INCENP: variants seen among roughly 807,000 people sequenced by gnomAD.
INCENP encodes the protein inner centromere protein.
INCENP carries 43 observed loss-of-function variants against 107.3 expected under a neutral mutation model. That is an observed-to-expected ratio of 0.40 (90% CI 0.31 to 0.52). INCENP has a LOEUF of 0.52. Among genes scored for constraint, INCENP ranks in the 20% least tolerant of loss-of-function variants. The pLI is 0.53. For missense variants in INCENP, 1,089 were observed against 1,250.9 expected (o/e 0.87, Z 1.95); for synonymous variants, 488 against 494.4 (o/e 0.99, Z 0.17).
chr11:62,124,869 T>C (rs1943716906), intron 1 of INCENP, among the ~76,000 whole-genome samples: 1 of 152,152 alleles, frequency 6.6e-6, no homozygotes, highest in Non-Finnish European at 1.5e-5. Context: ...ATCCTCAAGG[T>C]TGTGGTGAGA....
chr11:62,128,368 C>T, intron 2 of INCENP, 67 bp downstream of exon 2: 1 of 1,576,340 alleles, frequency 6.3e-7, no homozygotes, highest in Non-Finnish European at 8.7e-7. Flanking sequence ...GTCTTGGGGA[C>T]ACAACAGCCC....
chr11:62,151,314 C>T (rs1944367985), intron 18 of INCENP, among the ~76,000 whole-genome samples: 1 of 152,156 alleles, frequency 6.6e-6, no homozygotes, highest in African/African-American at 2.4e-5. Flanking sequence ...CCAGAGGCCC[C>T]CTCAGCACTG....
rs1301048170 is a variant in INCENP at position 62,141,423 on chromosome 11, C to G, written c.1594-77C>G. The G allele has an allele frequency of 3.1e-6, 5 of 1,590,824 alleles. No homozygotes were observed. In the African/African-American group the frequency reaches 5.4e-5, roughly 17 times the overall value. The stretch of plus-strand genomic sequence containing the variant: ...GCCCCACGCAGGCTTGCTGGCACAG[C>G]TGGGCATGTGGCCTGCCCGGCAGGA... On this transcript the variant is annotated intron_variant, in intron 10 of 18. Transcript: ENST00000394818.
rs2134692991 is a variant in INCENP, at chr11:62,152,413, A to C, written c.*437A>C. The C allele has an allele frequency of 5.1e-6, 1 of 196,336 alleles. No homozygotes were observed. The highest frequency in any genetic ancestry group is 1.5e-4 in the East Asian group (1 of 6,654). 12.2% of individuals were successfully genotyped at this position (196,336 alleles called of 1,614,324 possible). ...GGGCCACCAGTGGCCTGCAGGACGA[A>C]GGTACTGTTCCATCACCTGCGGTGT... On this transcript the variant is annotated 3_prime_UTR_variant, in exon 19 of 19. Coordinates refer to ENST00000394818, the MANE Select transcript of INCENP (RefSeq NM_001040694.2).
intron 11 of INCENP, among the ~76,000 whole-genome samples, chr11:62,144,105 G>A (rs1373893361): frequency 6.6e-6 from 1 of 152,210 alleles, no homozygotes; most frequent in South Asian, 2.1e-4. Flanking sequence ...GCCAAGGCAG[G>A]CGGATCCCTT....
At chr11:62,141,578 C>G in intron 11 of INCENP, 67 bp downstream of exon 11, 9 of 1,584,346 alleles carry the variant, frequency 5.7e-6, no homozygotes, top group Non-Finnish European at 7.8e-6. Context: ...AGCCCCTTCC[C>G]TGCGTAGCTG....
intron 2 of INCENP, 77 bp downstream of exon 2, chr11:62,128,378 C>G (rs1261064468): frequency 2.0e-6 from 3 of 1,534,100 alleles, no homozygotes; most frequent in African/African-American, 2.7e-5. Flanking sequence ...CACAACAGCC[C>G]CTCGTCCCCG....
intron 11 of INCENP, among the ~76,000 whole-genome samples, chr11:62,142,995 G>A (rs1320508502): frequency 4.6e-5 from 7 of 150,826 alleles, no homozygotes; most frequent in South Asian, 2.1e-4. Flanking sequence ...GTGCTTCTAC[G>A]ACTGTGTCCA....
Position 62,138,599 on chromosome 11 carries a change from G to C in INCENP, c.1116-114G>C. ...GGCTGTGGGTTCGTGGCCCTGGCCAGGGCACCTTGTGTTGACCTCTTGGGT... is the reference window on the plus strand; with the variant it reads ...GGCTGTGGGTTCGTGGCCCTGGCCACGGCACCTTGTGTTGACCTCTTGGGT... On this transcript the variant is annotated intron_variant, in intron 5 of 18. Coordinates refer to ENST00000394818, the MANE Select transcript of INCENP (RefSeq NM_001040694.2). 3 of 961,904 alleles carry C rather than the reference G, an allele frequency of 3.1e-6. No homozygotes were observed. The South Asian group carries it at 4.6e-5, about 15-fold the overall frequency. The allele number at this position is 961,904 out of a possible 1,614,324, so 59.6% of individuals were successfully genotyped here.
intron 1 of INCENP, among the ~76,000 whole-genome samples, chr11:62,126,949 T>C (rs548742080): frequency 6.6e-6 from 1 of 152,206 alleles, no homozygotes; most frequent in Non-Finnish European, 1.5e-5. Flanking sequence ...GGTGGTTGAT[T>C]GCATCCATGG....
At chr11:62,140,634 G>A in intron 8 of INCENP, 70 bp from the exon 9 acceptor site, 1 of 1,331,088 alleles carries the variant, frequency 7.5e-7, no homozygotes, top group Non-Finnish European at 1.1e-6. Flanking sequence ...GTTCACCGGG[G>A]TGACTTTTGA....
chr11:62,151,106 A>G (rs145950366), intron 18 of INCENP, among the ~76,000 whole-genome samples: 25 of 152,304 alleles, frequency 1.6e-4, no homozygotes, highest in Non-Finnish European at 2.6e-4. Flanking sequence ...GCTTACTTAA[A>G]TAGTTTCCTC....
At position 62,130,430 on chromosome 11, in the gene INCENP, A is replaced by G; in HGVS notation, c.903A>G (p.Gln301=). 2 of 1,613,866 alleles carry G rather than the reference A, an allele frequency of 1.2e-6. No individual in the cohort carries two copies. Among genetic ancestry groups the G allele is most frequent in the Admixed American group, 1.7e-5 (1 of 60,026 alleles). Residue 301 remains glutamine, a synonymous_variant, in exon 4 of 19, where the codon CAA becomes CAG. Transcript: ENST00000394818. The part of the protein sequence containing the change: ...STPTGSRTDS[Q]SVRHSPIAPS... ...CCACGGGCTCTCGCACGGACTCTCA[A>G]TCGGTGCGGCACAGCCCGATCGCCC...
intron 4 of INCENP, among the ~76,000 whole-genome samples, chr11:62,136,676 T>C (rs1411874805): frequency 6.6e-6 from 1 of 151,874 alleles, no homozygotes; most frequent in African/African-American, 2.4e-5. Context: ...TGAGAGTCTG[T>C]CTCAAAAAAA....
In INCENP at chr11:62,148,763, C is replaced by T. The variant is rs758126966; in HGVS notation, c.2308C>T (p.Arg770Trp). Residue 770 changes from arginine (R) to tryptophan (W), a missense_variant, in exon 17 of 19, where the codon CGG becomes TGG. Transcript: ENST00000394818. ...KKEEQQRLAE[R>W]QLQEEQEKKA... is the part of the protein sequence containing the mutation. The stretch of plus-strand genomic sequence containing the variant: ...GGAAGAGCAGCAGCGTCTGGCTGAG[C>T]GGCAGCTGCAGGAGGAGCAAGAGAA... The T allele has an allele frequency of 2.7e-5, 43 of 1,598,876 alleles. No homozygotes were observed. The highest frequency in any genetic ancestry group is 9.0e-5 in the South Asian group (8 of 88,508).
intron 7 of INCENP, among the ~76,000 whole-genome samples, chr11:62,139,953 A>G (rs188588982): frequency 8.8e-4 from 134 of 152,126 alleles, no homozygotes; most frequent in Non-Finnish European, 1.6e-3. Flanking sequence ...GTAGATTTGT[A>G]TTTTTAGTAG....
intron 11 of INCENP, 139 bp downstream of exon 11, chr11:62,141,650 C>A: frequency 8.5e-7 from 1 of 1,179,840 alleles, no homozygotes; most frequent in Non-Finnish European, 1.3e-6. Context: ...GAGAGTGGGA[C>A]GGTGAGGGGT....
At chr11:62,134,719 G>A (rs551854701) in intron 4 of INCENP, among the ~76,000 whole-genome samples, 10 of 152,264 alleles carry the variant, frequency 6.6e-5, no homozygotes, top group South Asian at 2.1e-4. Flanking sequence ...CACATTCTGC[G>A]TTTGATCTGT....
At chr11:62,138,446 A>T (rs1429388735) in intron 5 of INCENP, among the ~76,000 whole-genome samples, 1 of 152,232 alleles carries the variant, frequency 6.6e-6, no homozygotes, top group Non-Finnish European at 1.5e-5. Context: ...GGAGCTGAGG[A>T]CAGGGCTCAC....
Sources: gnomAD v4.1 joint callset for allele counts (sites outside exome capture counted in the v4.1 genomes callset) on GRCh38, gnomAD v4.1.1 for gene constraint, MANE v1.5 for transcripts, NCBI Gene and HGNC (gene_info 2026-07-23, HGNC 2026-07-21) for gene names.